Variants in MSRA observed in about 807,000 individuals in gnomAD.
The protein encoded by MSRA is methionine sulfoxide reductase A, also known as mitochondrial peptide methionine sulfoxide reductase.
In MSRA, 54 loss-of-function variants were observed where a neutral mutation model predicts 31.3. The observed-to-expected ratio is 1.73, with a 90% CI of 1.39 to 2.17. MSRA has a LOEUF of 2.17. Ranked by LOEUF, MSRA falls within the 30% of genes most tolerant of loss-of-function variation. The pLI is 0.00. For synonymous variants in MSRA, 169 were observed against 116.5 expected (o/e 1.45, Z -2.90); for missense variants, 507 against 300.9 (o/e 1.69, Z -5.07).
chr8:10,381,340 C>T (rs1806057258), intron 5 of MSRA, among the ~76,000 whole-genome samples: 1 of 152,206 alleles, frequency 6.6e-6, no homozygotes, highest in South Asian at 2.1e-4. Context: ...CCTCCTCTTG[C>T]TTGTTTCACC....
At chr8:10,095,094 T>G (rs1799062624) in intron 1 of MSRA, among the ~76,000 whole-genome samples, 1 of 152,232 alleles carries the variant, frequency 6.6e-6, no homozygotes, top group South Asian at 2.1e-4. Context: ...TTAATCTGCA[T>G]GCCTCCGTTT....
chr8:10,238,130 T>A (rs1280074882), intron 2 of MSRA, among the ~76,000 whole-genome samples: 1 of 152,190 alleles, frequency 6.6e-6, no homozygotes, highest in Non-Finnish European at 1.5e-5. Flanking sequence ...CAAGCCACAC[T>A]GGCTTCCTTC....
rs568351674 is a variant in MSRA, at chr8:10,193,661, T to TA, written c.143-14166dup. On this transcript the variant is annotated intron_variant, in intron 1 of 5. Coordinates refer to ENST00000317173, the MANE Select transcript of MSRA (RefSeq NM_012331.5). ...TCCATCTTTCATAGAAAGGCAAGTG[T>TA]AAAAAAGCACCACCAAGCGCCTGTC... is the stretch of plus-strand genomic sequence containing the variant. Among the ~76,000 whole-genome samples, 313 of 152,266 alleles carry TA rather than the reference T, an allele frequency of 2.1e-3. 1 individual carries two copies. The highest frequency in any genetic ancestry group is 6.7e-3 in the Admixed American group (103 of 15,294).
At chr8:10,313,065 C>T (rs1220300981) in intron 4 of MSRA, among the ~76,000 whole-genome samples, 1 of 152,142 alleles carries the variant, frequency 6.6e-6, no homozygotes, top group Non-Finnish European at 1.5e-5. Flanking sequence ...CCACTAGATA[C>T]CTATTTATCT....
intron 1 of MSRA, among the ~76,000 whole-genome samples, chr8:10,116,421 G>T (rs1057244004): frequency 6.6e-6 from 1 of 152,176 alleles, no homozygotes; most frequent in African/African-American, 2.4e-5. Context: ...TGAGTAAAAA[G>T]TAATTCGTTT....
chr8:10,212,502 A>C (rs911534545), intron 2 of MSRA, among the ~76,000 whole-genome samples: 1 of 152,262 alleles, frequency 6.6e-6, no homozygotes, highest in Non-Finnish European at 1.5e-5. Context: ...ATAATGTCAC[A>C]TCCACACTAG....
intron 1 of MSRA, among the ~76,000 whole-genome samples, chr8:10,055,511 A>T (rs1024655566): frequency 5.3e-5 from 8 of 152,234 alleles, no homozygotes; most frequent in Non-Finnish European, 1.2e-4. Context: ...CAGCAGCAGC[A>T]TCACCACCTG....
chr8:10,143,008 C>T (rs1003913612), intron 1 of MSRA, among the ~76,000 whole-genome samples: 2 of 152,052 alleles, frequency 1.3e-5, no homozygotes, highest in African/African-American at 4.8e-5. Flanking sequence ...CCCATAAATC[C>T]AGATAACTTT....
At chr8:10,161,639 C>T (rs899066232) in intron 1 of MSRA, among the ~76,000 whole-genome samples, 6 of 152,094 alleles carry the variant, frequency 3.9e-5, no homozygotes, top group African/African-American at 9.7e-5. Context: ...TAAGAAGAGG[C>T]GGATGAAGTG....
intron 5 of MSRA, among the ~76,000 whole-genome samples, chr8:10,412,930 C>T (rs1043311522): frequency 6.6e-6 from 1 of 152,232 alleles, no homozygotes. Context: ...AATTTCCCAT[C>T]ATTTAATATA....
intron 3 of MSRA, among the ~76,000 whole-genome samples, chr8:10,264,514 G>A (rs534048708): frequency 1.3e-5 from 2 of 152,176 alleles, no homozygotes; most frequent in Non-Finnish European, 1.5e-5. Context: ...ATGGCTGCCT[G>A]GGCTAAAGCC....
intron 5 of MSRA, among the ~76,000 whole-genome samples, chr8:10,394,578 T>C (rs1315388290): frequency 6.6e-6 from 1 of 152,230 alleles, no homozygotes; most frequent in Non-Finnish European, 1.5e-5. Flanking sequence ...AATTCTCACA[T>C]CCATTTCAAA....
At position 10,172,735 on chromosome 8, in the gene MSRA, A is replaced by G. The variant is rs1286967772; in HGVS notation, c.143-35098A>G. ...ATAGTGGACTCACCAGAGATGGGAAAGGAGGCCAGGTCACTGGGCAGCAGG... is the reference window on the plus strand; with the variant it reads ...ATAGTGGACTCACCAGAGATGGGAAGGGAGGCCAGGTCACTGGGCAGCAGG... On this transcript the variant is annotated intron_variant, in intron 1 of 5. Transcript: ENST00000317173. Among the ~76,000 whole-genome samples, 4 of 152,208 alleles carry G rather than the reference A, an allele frequency of 2.6e-5. No individual in the cohort carries two copies. In the East Asian group the frequency reaches 7.7e-4, roughly 29 times the overall value.
chr8:10,419,685 A>G (rs1391686858), intron 5 of MSRA, among the ~76,000 whole-genome samples: 1 of 152,148 alleles, frequency 6.6e-6, no homozygotes, highest in Admixed American at 6.5e-5. Context: ...GTCATCTCCT[A>G]GAATCAGGAG....
chr8:10,105,937 G>C (rs1436910436), intron 1 of MSRA, among the ~76,000 whole-genome samples: 1 of 152,154 alleles, frequency 6.6e-6, no homozygotes, highest in Non-Finnish European at 1.5e-5. Flanking sequence ...GAGTATTTTA[G>C]GCAGCACTCC....
chr8:10,371,430 G>T (rs964054949), intron 5 of MSRA, among the ~76,000 whole-genome samples: 2 of 152,172 alleles, frequency 1.3e-5, no homozygotes, highest in African/African-American at 4.8e-5. Flanking sequence ...ATGCAAGGTT[G>T]ACAGAAGCCT....
intron 2 of MSRA, among the ~76,000 whole-genome samples, chr8:10,213,929 G>A (rs1809750126): frequency 6.6e-6 from 1 of 152,094 alleles, no homozygotes; most frequent in South Asian, 2.1e-4. Context: ...GTAAGATTCT[G>A]CAGTGAGAAA....
intron 1 of MSRA, among the ~76,000 whole-genome samples, chr8:10,126,777 G>A (rs998376737): frequency 1.3e-5 from 2 of 152,238 alleles, no homozygotes; most frequent in African/African-American, 4.8e-5. Context: ...GTCTCCCAAA[G>A]TGCTGGGATT....
chr8:10,067,344 T>A (rs1797506634), intron 1 of MSRA, among the ~76,000 whole-genome samples: 1 of 152,242 alleles, frequency 6.6e-6, no homozygotes, highest in Admixed American at 6.5e-5. Context: ...CTTTTCCTGG[T>A]TGGATAGCCA....
Sources: allele counts gnomAD v4.1 joint callset (sites outside exome capture counted in the v4.1 genomes callset), GRCh38; gene constraint gnomAD v4.1.1; transcripts MANE v1.5; gene names NCBI Gene and HGNC (gene_info 2026-07-23, HGNC 2026-07-21).